OSBPL3: variants seen among roughly 807,000 people sequenced by gnomAD.
OSBPL3 encodes the protein oxysterol binding protein like 3.
OSBPL3 carries 65 observed loss-of-function variants against 120.1 expected under a neutral mutation model. That is an observed-to-expected ratio of 0.54 (90% CI 0.44 to 0.67). The LOEUF (loss-of-function observed/expected upper bound fraction) is 0.67. Ranked by LOEUF, OSBPL3 falls within the 30% of genes least tolerant of loss-of-function variation. The pLI, the probability that OSBPL3 is intolerant of heterozygous loss-of-function variation, is 0.00. For missense variants in OSBPL3, 1,004 were observed against 1,082.1 expected (o/e 0.93, Z 1.01); for synonymous variants, 416 against 402.6 (o/e 1.03, Z -0.40).
rs552507178 is a variant in OSBPL3, at chr7:24,803,272, C to T, written c.2567+1043G>A. On this transcript the variant is annotated intron_variant, in intron 22 of 22. Coordinates refer to ENST00000313367, the MANE Select transcript of OSBPL3 (RefSeq NM_015550.4). This position sits in a 1 kb window ranked among gnomAD's most constrained non-coding sequence, Gnocchi z 4.2. The stretch of plus-strand genomic sequence containing the variant: ...GTAGAGCAGGAACTTGCTGCTTTTT[C>T]ACATACACCTATTTAAGTTTTTTAA... Among the ~76,000 whole-genome samples the T allele has an allele frequency of 1.2e-4, 19 of 152,242 alleles. No individual in the cohort carries two copies. The highest frequency in any genetic ancestry group is 4.1e-4 in the African/African-American group (17 of 41,548).
chr7:24,931,352 A>G (rs1267762968), intron 1 of OSBPL3, among the ~76,000 whole-genome samples: 1 of 152,220 alleles, frequency 6.6e-6, no homozygotes, highest in African/African-American at 2.4e-5. Context: ...GAAGCACTGA[A>G]TGTACCTTAT....
At chr7:24,811,624 G>A (rs1423395278) in intron 19 of OSBPL3, among the ~76,000 whole-genome samples, 1 of 152,206 alleles carries the variant, frequency 6.6e-6, no homozygotes, top group Non-Finnish European at 1.5e-5. Context: ...TGTTTGAGTA[G>A]TTCTACAGTT....
At position 24,870,735 on chromosome 7, in the gene OSBPL3, C is replaced by T. The variant is rs1584452192; in HGVS notation, c.378G>A (p.Leu126=). 1.3e-6 allele frequency: 2 copies of T among 1,587,150 alleles called. No homozygotes were observed. The highest frequency in any genetic ancestry group is 2.7e-5 in the African/African-American group (2 of 74,530). ...DLDTEEHIYH[L]KVKSEEVFDE... is the part of the protein sequence containing the mutation. Reference sequence around the variant, plus strand: ...GCACAGTGGGAAGCAGCCTCACCTTCAGATGGTAGATGTGCTCCTCGGTGT... The same window carrying T: ...GCACAGTGGGAAGCAGCCTCACCTTTAGATGGTAGATGTGCTCCTCGGTGT... Residue 126 remains leucine, a synonymous_variant, in exon 5 of 23, where the codon CTG becomes CTA. Coordinates refer to ENST00000313367, the MANE Select transcript of OSBPL3 (RefSeq NM_015550.4).
rs1796415582 is a variant in OSBPL3, at chr7:24,831,927, T to C, written c.1747-1022A>G. 1.3e-5 allele frequency among the ~76,000 whole-genome samples: 2 copies of C among 152,266 alleles called. No individual in the cohort carries two copies. Among genetic ancestry groups the C allele is most frequent in the African/African-American group, 4.8e-5 (2 of 41,558 alleles). On this transcript the variant is annotated intron_variant, in intron 15 of 22. Transcript: ENST00000313367. This position sits in a 1 kb window ranked among gnomAD's most constrained non-coding sequence, Gnocchi z 4.0. ...TAAAAATCAGCTATACTCGGCTGGGTGCAGTGGCTCACGCCTGTAATCCCA... is the reference window on the plus strand; with the variant it reads ...TAAAAATCAGCTATACTCGGCTGGGCGCAGTGGCTCACGCCTGTAATCCCA...
At chr7:24,949,660 A>G (rs1584712314) in intron 1 of OSBPL3, among the ~76,000 whole-genome samples, 1 of 152,234 alleles carries the variant, frequency 6.6e-6, no homozygotes, top group East Asian at 1.9e-4. Flanking sequence ...TTGTCCCCAG[A>G]GCCTTCTTTG....
At chr7:24,816,389 G>A (rs1432476397) in intron 18 of OSBPL3, among the ~76,000 whole-genome samples, 5 of 152,190 alleles carry the variant, frequency 3.3e-5, no homozygotes, top group Non-Finnish European at 7.3e-5. Flanking sequence ...CATCTATTCA[G>A]GGAACTTTGG....
At chr7:24,980,199 T>G, upstream of OSBPL3, 1 of 302,590 alleles carries the variant, frequency 3.3e-6, no homozygotes, top group South Asian at 1.3e-4. Flanking sequence ...GCCCGGCGAT[T>G]AGCCCGAGGA....
intron 19 of OSBPL3, among the ~76,000 whole-genome samples, chr7:24,810,526 AAAC>A (rs1351664443): frequency 6.6e-6 from 1 of 152,152 alleles, no homozygotes; most frequent in Non-Finnish European, 1.5e-5. Context: ...TCCGTCTCAA[AAAC>A]AAAACAAAAC....
At chr7:24,979,229 ACT>A (rs1382491926) in intron 1 of OSBPL3, among the ~76,000 whole-genome samples, 1 of 152,120 alleles carries the variant, frequency 6.6e-6, no homozygotes, top group African/African-American at 2.4e-5. Context: ...TGTGAGAGAC[ACT>A]GAGACGAGAG....
Position 24,842,314 on chromosome 7 carries a change from C to T in OSBPL3, c.1366G>A (p.Glu456Lys), listed in dbSNP as rs756463310. Reference protein sequence around the residue: ...DSLSEFFDAQEVLLSPSSSEN... With the variant: ...DSLSEFFDAQKVLLSPSSSEN... ...GAAGAGCTTGGAGATAACAGAACTT[C>T]CTGAGCATCAAAAAACTCAGAAAGG... The change falls in exon 13 of 23, where the codon GAA (glutamate) becomes AAA (lysine). Residue 456 changes from glutamate (E) to lysine (K), a missense_variant. By Grantham distance (56) the Glu-to-Lys change is moderately conservative. Transcript: ENST00000313367. The T allele has an allele frequency of 5.0e-6, 8 of 1,613,552 alleles. No individual in the cohort carries two copies. Among genetic ancestry groups the T allele is most frequent in the African/African-American group, 2.7e-5 (2 of 74,898 alleles).
intron 1 of OSBPL3, among the ~76,000 whole-genome samples, chr7:24,978,143 A>G (rs577879279): frequency 1.6e-4 from 24 of 152,248 alleles, no homozygotes; most frequent in Non-Finnish European, 3.2e-4. Flanking sequence ...TGGACCCTCA[A>G]TTTCCCATCT....
chr7:24,909,110 G>A (rs1046954495), intron 1 of OSBPL3, among the ~76,000 whole-genome samples: 3 of 152,186 alleles, frequency 2.0e-5, no homozygotes, highest in African/African-American at 7.2e-5. Flanking sequence ...CATTTAGAGT[G>A]TTTTTACCCA....
In OSBPL3 at chr7:24,854,512, A is replaced by G. The variant is rs202097286; in HGVS notation, c.1028-1878T>C. Among the ~76,000 whole-genome samples, 10 of 142,748 alleles carry G rather than the reference A, an allele frequency of 7.0e-5. No individual in the cohort carries two copies. The highest frequency in any genetic ancestry group is 1.1e-4 in the Non-Finnish European group (7 of 64,874). 93.6% of individuals were successfully genotyped at this position (142,748 alleles called of 152,430 possible). ...TGTACACACACACACGCACACACAC[A>G]CACACACACACACACACACACACAC... On this transcript the variant is annotated intron_variant, in intron 10 of 22. Coordinates refer to ENST00000313367, the MANE Select transcript of OSBPL3 (RefSeq NM_015550.4). This position sits in a 1 kb window ranked among gnomAD's most constrained non-coding sequence, Gnocchi z 4.1.
At chr7:24,839,177 T>C (rs543128157) in intron 14 of OSBPL3, among the ~76,000 whole-genome samples, 1 of 152,282 alleles carries the variant, frequency 6.6e-6, no homozygotes, top group South Asian at 2.1e-4. Flanking sequence ...TGTGAAGATA[T>C]GAAAATAGGT....
At chr7:24,882,684 T>C (rs112308641) in intron 2 of OSBPL3, among the ~76,000 whole-genome samples, 2 of 152,332 alleles carry the variant, frequency 1.3e-5, no homozygotes, top group African/African-American at 4.8e-5. Flanking sequence ...CTGTACTAAT[T>C]TACATTCCCA....
intron 1 of OSBPL3, among the ~76,000 whole-genome samples, chr7:24,895,963 G>T (rs1190024414): frequency 1.3e-5 from 2 of 152,040 alleles, no homozygotes; most frequent in African/African-American, 4.8e-5. Context: ...GAACATTTAC[G>T]GCCTGCCAAA....
At chr7:24,859,889 T>C (rs1020758296) in intron 10 of OSBPL3, among the ~76,000 whole-genome samples, 5 of 152,230 alleles carry the variant, frequency 3.3e-5, no homozygotes, top group African/African-American at 1.2e-4. Flanking sequence ...AATCCCCTAT[T>C]GTTTGGCATT....
At position 24,817,008 on chromosome 7, in the gene OSBPL3, G is replaced by A. The variant is rs760629787; in HGVS notation, c.1949-320C>T. Among the ~76,000 whole-genome samples the A allele has an allele frequency of 2.0e-5, 3 of 152,156 alleles. No individual in the cohort carries two copies. Among genetic ancestry groups the A allele is most frequent in the Non-Finnish European group, 4.4e-5 (3 of 68,040 alleles). On this transcript the variant is annotated intron_variant, in intron 17 of 22. Coordinates refer to ENST00000313367, the MANE Select transcript of OSBPL3 (RefSeq NM_015550.4). This position sits in a 1 kb window ranked among gnomAD's most constrained non-coding sequence, Gnocchi z 4.0. ...ATGAAACCTGAGAAGAAGGAGTGACGAATATGCTTGGAGAAAGCATCAGAA... is the reference window on the plus strand; with the variant it reads ...ATGAAACCTGAGAAGAAGGAGTGACAAATATGCTTGGAGAAAGCATCAGAA...
In OSBPL3 at chr7:24,830,968, G is replaced by C; in HGVS notation, c.1747-63C>G. On this transcript the variant is annotated intron_variant, in intron 15 of 22. Coordinates refer to ENST00000313367, the MANE Select transcript of OSBPL3 (RefSeq NM_015550.4). The surrounding 1 kb of genome is among the most constrained non-coding windows in gnomAD (Gnocchi z 4.4). The stretch of plus-strand genomic sequence containing the variant: ...CACCAAGAGCTTTATTGTTCACAAA[G>C]AACTAAACAAAATAAAACCTCTATG... 6.9e-7 allele frequency: 1 copy of C among 1,455,642 alleles called. No homozygotes were observed. Among genetic ancestry groups the C allele is most frequent in the Non-Finnish European group, 9.2e-7 (1 of 1,091,772 alleles). The allele number at this position is 1,455,642 out of a possible 1,614,324, so 90.2% of individuals were successfully genotyped here.
Sources: allele counts gnomAD v4.1 joint callset (sites outside exome capture counted in the v4.1 genomes callset), GRCh38; gene constraint gnomAD v4.1.1; non-coding constraint Gnocchi (gnomAD v3.1); transcripts MANE v1.5; gene names NCBI Gene and HGNC (gene_info 2026-07-23, HGNC 2026-07-21).